Variants in SMPD1 observed in about 807,000 individuals in gnomAD.
SMPD1 encodes sphingomyelin phosphodiesterase 1, also known as sphingomyelin phosphodiesterase.
Under a neutral mutation model 49.7 loss-of-function variants are expected in SMPD1, and 47 were observed. That is an observed-to-expected ratio of 0.95 (90% CI 0.75 to 1.21). The LOEUF is 1.21. SMPD1 is among the 50% of genes most tolerant of loss of function. The pLI is 0.00. For synonymous variants in SMPD1, 336 were observed against 339.6 expected (o/e 0.99, Z 0.12); for missense variants, 811 against 822.2 (o/e 0.99, Z 0.17).
In SMPD1 at chr11:6,390,729, C is replaced by T. The variant is rs776573567; in HGVS notation, c.131C>T (p.Ala44Val). 2 of 1,612,282 alleles carry T rather than the reference C, an allele frequency of 1.2e-6. No homozygotes were observed. Among genetic ancestry groups the T allele is most frequent in the East Asian group, 2.2e-5 (1 of 44,824 alleles). Residue 44 changes from alanine to valine, a missense_variant, in exon 1 of 6, where the codon GCG becomes GTG. Physicochemically the swap from Ala to Val is moderately conservative, Grantham distance 64. Coordinates refer to ENST00000342245, the MANE Select transcript of SMPD1 (RefSeq NM_000543.5). The part of the protein sequence containing the change: ...GLVLALALAL[A>V]LALALSDSRV... ...GTGCTGGCGCTGGCGCTGGCGCTGG[C>T]GCTGGCGCTGGCTCTGTCTGACTCT...
chr11:6,390,669 C>T lies in SMPD1; in HGVS notation c.71C>T (p.Thr24Ile). The T allele has an allele frequency of 1.2e-6, 2 of 1,612,926 alleles. No homozygotes were observed. Among genetic ancestry groups the T allele is most frequent in the South Asian group, 2.2e-5 (2 of 91,024 alleles). ...RSGREQGQDG[T>I]AGAPGLLWMG... ...GGCCGGGAGCAGGGACAAGACGGGA[C>T]CGCCGGAGCCCCCGGACTCCTTTGG... The change falls in exon 1 of 6, where the codon ACC becomes ATC. Residue 24 changes from threonine (T) to isoleucine (I), a missense_variant. Physicochemically the swap from Thr to Ile is moderately conservative, Grantham distance 89. Coordinates refer to ENST00000342245, the MANE Select transcript of SMPD1 (RefSeq NM_000543.5).
chr11:6,394,397 G>A lies in SMPD1; in HGVS notation c.1686G>A (p.Met562Ile), dbSNP rs1432027716. ...PTAWHNLVYR[M>I]RGDMQLFQTF... is the part of the protein sequence containing the mutation. Reference sequence around the variant, plus strand: ...CCTGGCACAACCTGGTATATCGCATGCGGGGCGACATGCAACTTTTCCAGA... The same window carrying A: ...CCTGGCACAACCTGGTATATCGCATACGGGGCGACATGCAACTTTTCCAGA... Residue 562 changes from methionine (M) to isoleucine (I), a missense_variant, in exon 6 of 6, where the codon ATG becomes ATA. Transcript: ENST00000342245. The A allele has an allele frequency of 6.2e-7, 1 of 1,614,242 alleles. No individual in the cohort carries two copies. Among genetic ancestry groups the A allele is most frequent in the African/African-American group, 1.3e-5 (1 of 75,070 alleles).
At chr11:6,393,522 C>A in intron 3 of SMPD1, 95 bp from the exon 4 acceptor site, 3 of 1,381,510 alleles carry the variant, frequency 2.2e-6, no homozygotes, top group African/African-American at 1.4e-5. Flanking sequence ...AGCTCATGGT[C>A]ACTGTTGAAA....
At chr11:6,393,775 G>A (rs1306830478) in intron 4 of SMPD1, 82 bp downstream of exon 4, 13 of 1,548,788 alleles carry the variant, frequency 8.4e-6, no homozygotes, top group Admixed American at 3.3e-5. Flanking sequence ...CACCATCCCT[G>A]TTGTCCCATG....
In SMPD1 at chr11:6,390,673, C is replaced by T. The variant is rs1312090680; in HGVS notation, c.75C>T (p.Ala25=). 2 of 1,612,582 alleles carry T rather than the reference C, an allele frequency of 1.2e-6. No individual in the cohort carries two copies. Among genetic ancestry groups the T allele is most frequent in the African/African-American group, 1.3e-5 (1 of 74,650 alleles). Residue 25 remains alanine (A), a synonymous_variant, in exon 1 of 6, where the codon GCC becomes GCT. Transcript: ENST00000342245. ...SGREQGQDGT[A]GAPGLLWMGL... is the part of the protein sequence containing the mutation. The stretch of plus-strand genomic sequence containing the variant: ...GGGAGCAGGGACAAGACGGGACCGC[C>T]GGAGCCCCCGGACTCCTTTGGATGG...
Position 6,390,568 on chromosome 11 carries a change from G to A in SMPD1, c.-31G>A, listed in dbSNP as rs989027100. 2.9e-5 allele frequency: 46 copies of A among 1,604,330 alleles called. No individual in the cohort carries two copies. The highest frequency in any genetic ancestry group is 3.8e-5 in the Non-Finnish European group (45 of 1,176,670). On this transcript the variant is annotated 5_prime_UTR_variant, in exon 1 of 6. Coordinates refer to ENST00000342245, the MANE Select transcript of SMPD1 (RefSeq NM_000543.5). ...GGTCCAGGCCGGGGGGGACGGGACA[G>A]ACGAACCAGCCCCGTGTAGGAAGCG...
chr11:6,391,876 C>T lies in SMPD1; in HGVS notation c.811C>T (p.Pro271Ser), dbSNP rs1847933499. ...GTTGAGTGGGCTGGGCCCAGCCGGC[C>T]CTTTTGATATGGTGTACTGGACAGG... ...SLLSGLGPAG[P>S]FDMVYWTGDI... is the part of the protein sequence containing the mutation. The change falls in exon 2 of 6, where the codon CCT becomes TCT. Residue 271 changes from proline (P) to serine (S), a missense_variant. By Grantham distance (74) the Pro-to-Ser change is moderately conservative. Coordinates refer to ENST00000342245, the MANE Select transcript of SMPD1 (RefSeq NM_000543.5). 6.2e-7 allele frequency: 1 copy of T among 1,614,030 alleles called. No homozygotes were observed. The highest frequency in any genetic ancestry group is 8.5e-7 in the Non-Finnish European group (1 of 1,180,030).
Position 6,394,910 on chromosome 11 carries a change from C to T in SMPD1, c.*303C>T, listed in dbSNP as rs561965709. 2 of 473,764 alleles carry T rather than the reference C, an allele frequency of 4.2e-6. No homozygotes were observed. Among genetic ancestry groups the T allele is most frequent in the African/African-American group, 3.9e-5 (2 of 51,328 alleles). 29.3% of individuals were successfully genotyped at this position (473,764 alleles called of 1,614,324 possible). A position where few individuals can be genotyped will look rare whatever the true frequency, so the allele number is the denominator to read the frequency against. On this transcript the variant is annotated 3_prime_UTR_variant, in exon 6 of 6. Coordinates refer to ENST00000342245, the MANE Select transcript of SMPD1 (RefSeq NM_000543.5). ...CAAGACAGGAGCTGTCGCCCCAGGC[C>T]TGTGCTGCCCAGCCAGGAACCCTGT...
rs780468153 is a variant in SMPD1 at position 6,390,548 on chromosome 11, A to T, written c.-51A>T. On this transcript the variant is annotated 5_prime_UTR_variant, in exon 1 of 6. Transcript: ENST00000342245. ...GGGCCCTGAGGGCTGGCTAGGGTCC[A>T]GGCCGGGGGGGACGGGACAGACGAA... The T allele has an allele frequency of 7.5e-6, 12 of 1,590,122 alleles. No individual in the cohort carries two copies. The highest frequency in any genetic ancestry group is 1.0e-5 in the Non-Finnish European group (12 of 1,169,992).
In SMPD1 at chr11:6,391,938, T is replaced by C. The variant is rs745502097; in HGVS notation, c.873T>C (p.Arg291=). The change falls in exon 2 of 6, where the codon CGT becomes CGC. Residue 291 remains arginine (R), a synonymous_variant. Coordinates refer to ENST00000342245, the MANE Select transcript of SMPD1 (RefSeq NM_000543.5). ...CACATGATGTCTGGCACCAGACTCGTCAGGACCAACTGCGGGCCCTGACCA... is the reference window on the plus strand; with the variant it reads ...CACATGATGTCTGGCACCAGACTCGCCAGGACCAACTGCGGGCCCTGACCA... The part of the protein sequence containing the change: ...IPAHDVWHQT[R]QDQLRALTTV... 2 of 1,614,224 alleles carry C rather than the reference T, an allele frequency of 1.2e-6. No individual in the cohort carries two copies. The highest frequency in any genetic ancestry group is 2.2e-5 in the South Asian group (2 of 91,086).
chr11:6,393,998 C>T lies in SMPD1; in HGVS notation c.1443C>T (p.Ala481=). 1 of 1,614,202 alleles carries T rather than the reference C, an allele frequency of 6.2e-7. No homozygotes were observed. Among genetic ancestry groups the T allele is most frequent in the Non-Finnish European group, 8.5e-7 (1 of 1,180,044 alleles). The change falls in exon 5 of 6, where the codon GCC becomes GCT. Residue 481 remains alanine, a synonymous_variant. Transcript: ENST00000342245. The stretch of plus-strand genomic sequence containing the variant: ...CTCTGAGCCGGCCGCTGGCTGTAGC[C>T]TTCCTGGCACCCAGTGCAACTACCT... The part of the protein sequence containing the change: ...EETLSRPLAV[A]FLAPSATTYI...
rs1007445292 is a variant in SMPD1, at chr11:6,390,488, A to C, written c.-111A>C. On this transcript the variant is annotated 5_prime_UTR_variant, in exon 1 of 6. Transcript: ENST00000342245. ...GGCCGCGGAGCAGTCAGCCGACTAC[A>C]GAGAAGGGTAATCGGGTGTCCCCGG... The C allele has an allele frequency of 1.5e-5, 23 of 1,532,576 alleles. No homozygotes were observed. The highest frequency in any genetic ancestry group is 1.0e-4 in the Admixed American group (5 of 50,020). 94.9% of individuals were successfully genotyped at this position (1,532,576 alleles called of 1,614,324 possible).
rs771476083 is a variant in SMPD1, at chr11:6,394,586, G to C, written c.1875G>C (p.Trp625Cys). ...GCCTCCCAGAGGCCCAGAGCCTGTG[G>C]CCAAGGCCACTGTTTTGCTAGGGCC... ...DGSLPEAQSL[W>C]PRPLFC Residue 625 changes from tryptophan (W) to cysteine (C), a missense_variant, in exon 6 of 6, where the codon TGG (tryptophan) becomes TGC (cysteine). Coordinates refer to ENST00000342245, the MANE Select transcript of SMPD1 (RefSeq NM_000543.5). The C allele has an allele frequency of 6.2e-7, 1 of 1,603,702 alleles. No homozygotes were observed. Among genetic ancestry groups the C allele is most frequent in the Non-Finnish European group, 8.5e-7 (1 of 1,179,970 alleles).
chr11:6,392,914 T>G (rs1361540576), intron 2 of SMPD1, among the ~76,000 whole-genome samples: 1 of 151,854 alleles, frequency 6.6e-6, no homozygotes, highest in African/African-American at 2.4e-5. Context: ...GATTTCCCCC[T>G]TTTTTTTAAG....
At position 6,394,580 on chromosome 11, in the gene SMPD1, C is replaced by G; in HGVS notation, c.1869C>G (p.Ser623Arg). 1 of 1,604,360 alleles carries G rather than the reference C, an allele frequency of 6.2e-7. No homozygotes were observed. The highest frequency in any genetic ancestry group is 1.7e-5 in the Admixed American group (1 of 60,026). The change falls in exon 6 of 6, where the codon AGC becomes AGG. Residue 623 changes from serine (S) to arginine (R), a missense_variant. Transcript: ENST00000342245. The stretch of plus-strand genomic sequence containing the variant: ...ATGGGAGCCTCCCAGAGGCCCAGAG[C>G]CTGTGGCCAAGGCCACTGTTTTGCT... ...MPDGSLPEAQ[S>R]LWPRPLFC
chr11:6,390,555 G>A lies in SMPD1; in HGVS notation c.-44G>A. ...GAGGGCTGGCTAGGGTCCAGGCCGG[G>A]GGGGACGGGACAGACGAACCAGCCC... On this transcript the variant is annotated 5_prime_UTR_variant, in exon 1 of 6. Transcript: ENST00000342245. The A allele has an allele frequency of 2.5e-6, 4 of 1,596,346 alleles. No individual in the cohort carries two copies. The highest frequency in any genetic ancestry group is 2.6e-6 in the Non-Finnish European group (3 of 1,172,852).
intron 2 of SMPD1, 173 bp downstream of exon 2, chr11:6,392,329 C>CTTTTTTTTTTTTTTTTT (rs756326903): frequency 7.9e-6 from 3 of 377,886 alleles, no homozygotes; most frequent in African/African-American, 6.2e-5. Flanking sequence ...CCGCACCAGG[C>CTTTTTTTTTTTTTTTTT]TTTTTTTTTT....
chr11:6,393,545 T>TC, intron 3 of SMPD1, 72 bp from the exon 4 acceptor site: 4 of 1,398,688 alleles, frequency 2.9e-6, no homozygotes, highest in Non-Finnish European at 4.1e-6. Context: ...CTTCATTCAG[T>TC]CCCCCTTTCT....
At chr11:6,392,914 T>C (rs1361540576) in intron 2 of SMPD1, among the ~76,000 whole-genome samples, 2 of 151,854 alleles carry the variant, frequency 1.3e-5, no homozygotes, top group Non-Finnish European at 2.9e-5. Flanking sequence ...GATTTCCCCC[T>C]TTTTTTTAAG....
Sources: allele counts gnomAD v4.1 joint callset (sites outside exome capture counted in the v4.1 genomes callset), GRCh38; gene constraint gnomAD v4.1.1; transcripts MANE v1.5; gene names NCBI Gene and HGNC (gene_info 2026-07-23, HGNC 2026-07-21).